Variants in BNC2 observed in about 807,000 individuals in gnomAD.
BNC2 encodes the protein zinc finger protein basonuclin-2.
A neutral mutation model predicts 76.3 loss-of-function variants in BNC2; 20 were observed. The observed-to-expected ratio is 0.26, with a 90% CI of 0.18 to 0.38. The LOEUF (loss-of-function observed/expected upper bound fraction) is 0.38. BNC2 is among the 10% of genes least tolerant of loss of function. BNC2 has a pLI of 1.00. For missense variants in BNC2, 1,382 were observed against 1,399.8 expected (o/e 0.99, Z 0.20); for synonymous variants, 582 against 514.8 (o/e 1.13, Z -1.77).
intron 1 of BNC2, among the ~76,000 whole-genome samples, chr9:16,818,883 A>T (rs564927113): frequency 1.6e-5 from 1 of 63,496 alleles, no homozygotes; most frequent in Non-Finnish European, 3.9e-5. Flanking sequence ...AGCGGTTAAG[A>T]AGTACTTTAG....
In BNC2 at chr9:16,410,269, G is replaced by A. The variant is rs1443301437; in HGVS notation, c.*8720C>T. Reference sequence around the variant, plus strand: ...GACTTCATGGAAGAAGCCAGGCAAGGTGTGAGGGGAGAGGGGAAATGGGCA... The same window carrying A: ...GACTTCATGGAAGAAGCCAGGCAAGATGTGAGGGGAGAGGGGAAATGGGCA... On this transcript the variant is annotated 3_prime_UTR_variant, in exon 7 of 7. Coordinates refer to ENST00000380672, the MANE Select transcript of BNC2 (RefSeq NM_017637.6). 3 of 152,420 alleles carry A rather than the reference G, an allele frequency of 2.0e-5. No homozygotes were observed. The highest frequency in any genetic ancestry group is 6.5e-5 in the Admixed American group (1 of 15,304). 9.4% of individuals were successfully genotyped at this position (152,420 alleles called of 1,614,324 possible).
At chr9:16,596,554 A>G (rs1820087711) in intron 3 of BNC2, among the ~76,000 whole-genome samples, 1 of 152,190 alleles carries the variant, frequency 6.6e-6, no homozygotes, top group African/African-American at 2.4e-5. Flanking sequence ...GGGACAGAAT[A>G]TGGATACTGG....
At chr9:16,665,482 GAAAGAAA>G (rs1348273812) in intron 3 of BNC2, among the ~76,000 whole-genome samples, 1 of 130,300 alleles carries the variant, frequency 7.7e-6, no homozygotes, top group Non-Finnish European at 1.6e-5. Context: ...AAGAAAGAAA[GAAAGAAA>G]GAGAGAGAGA....
At chr9:16,677,923 C>T (rs1294740178) in intron 3 of BNC2, among the ~76,000 whole-genome samples, 1 of 152,076 alleles carries the variant, frequency 6.6e-6, no homozygotes, top group Non-Finnish European at 1.5e-5. Flanking sequence ...TATAATTTTA[C>T]AAACTAAGTA....
intron 5 of BNC2, among the ~76,000 whole-genome samples, chr9:16,498,629 C>T (rs574656277): frequency 1.3e-5 from 2 of 150,516 alleles, no homozygotes; most frequent in African/African-American, 4.9e-5. Flanking sequence ...CTCATGTAAC[C>T]AAATACCACC....
chr9:16,694,908 G>A (rs1823291578), intron 3 of BNC2, among the ~76,000 whole-genome samples: 1 of 152,104 alleles, frequency 6.6e-6, no homozygotes, highest in African/African-American at 2.4e-5. Flanking sequence ...TCTCAACTGG[G>A]GTGAGAACTA....
intron 5 of BNC2, among the ~76,000 whole-genome samples, chr9:16,514,372 G>A (rs1320910968): frequency 1.3e-5 from 2 of 152,192 alleles, no homozygotes; most frequent in Non-Finnish European, 2.9e-5. Flanking sequence ...ATTCCACTGG[G>A]AGGACAACAA....
chr9:16,607,732 T>C (rs1461382697), intron 3 of BNC2, among the ~76,000 whole-genome samples: 1 of 152,188 alleles, frequency 6.6e-6, no homozygotes, highest in African/African-American at 2.4e-5. Context: ...TAAGGTGATG[T>C]TTTCCTACCC....
chr9:16,564,227 C>T (rs1477286281), intron 4 of BNC2, among the ~76,000 whole-genome samples: 1 of 152,122 alleles, frequency 6.6e-6, no homozygotes, highest in Non-Finnish European at 1.5e-5. Flanking sequence ...GTAAGATATT[C>T]GTAAGTAACT....
intron 4 of BNC2, among the ~76,000 whole-genome samples, chr9:16,579,470 A>G (rs1167047911): frequency 2.0e-5 from 3 of 151,968 alleles, no homozygotes; most frequent in Non-Finnish European, 4.4e-5. Flanking sequence ...TTTTGTAGAG[A>G]CAAGATTTTG....
At chr9:16,539,075 C>T (rs1230436025) in intron 5 of BNC2, among the ~76,000 whole-genome samples, 4 of 151,852 alleles carry the variant, frequency 2.6e-5, no homozygotes, top group Non-Finnish European at 4.4e-5. Context: ...TATAATATAC[C>T]ACTTCCACTA....
intron 3 of BNC2, among the ~76,000 whole-genome samples, chr9:16,614,851 G>A (rs552580787): frequency 1.3e-5 from 2 of 151,970 alleles, no homozygotes; most frequent in Admixed American, 6.6e-5. Context: ...AACTACTTGG[G>A]AAGTCGAGGT....
intron 3 of BNC2, among the ~76,000 whole-genome samples, chr9:16,587,667 C>T (rs1344968205): frequency 1.3e-5 from 2 of 152,142 alleles, no homozygotes; most frequent in African/African-American, 4.8e-5. Flanking sequence ...TCAGATTCTG[C>T]CTACTAGAGT....
chr9:16,568,324 G>T (rs966627363), intron 4 of BNC2, among the ~76,000 whole-genome samples: 10 of 152,228 alleles, frequency 6.6e-5, no homozygotes, highest in African/African-American at 2.4e-4. Context: ...TCTGGGGTCA[G>T]ATTTTAAAGT....
chr9:16,823,018 G>T (rs568433363), intron 1 of BNC2, among the ~76,000 whole-genome samples: 10 of 152,168 alleles, frequency 6.6e-5, no homozygotes, highest in Admixed American at 1.3e-4. Flanking sequence ...TCAATGTAAT[G>T]TCCTCCTCCA....
intron 1 of BNC2, among the ~76,000 whole-genome samples, chr9:16,807,759 A>C (rs774610367): frequency 2.0e-5 from 3 of 152,226 alleles, no homozygotes; most frequent in Non-Finnish European, 4.4e-5. Flanking sequence ...CTAAAATATA[A>C]AAAATTCCAG....
At chr9:16,841,483 T>C (rs1313632028) in intron 1 of BNC2, among the ~76,000 whole-genome samples, 2 of 152,178 alleles carry the variant, frequency 1.3e-5, no homozygotes, top group African/African-American at 2.4e-5. Flanking sequence ...AAAATGTAGA[T>C]ATCCTGGCTA....
At chr9:16,835,050 C>G (rs1586921635) in intron 1 of BNC2, among the ~76,000 whole-genome samples, 1 of 152,118 alleles carries the variant, frequency 6.6e-6, no homozygotes, top group South Asian at 2.1e-4. Context: ...TGGCTTCATT[C>G]CTCTAGTATC....
intron 4 of BNC2, among the ~76,000 whole-genome samples, chr9:16,568,055 A>C (rs373103989): frequency 1.3e-5 from 2 of 152,156 alleles, no homozygotes; most frequent in East Asian, 3.9e-4. Flanking sequence ...TTATTTTGGG[A>C]GAAAGCCAAG....
Sources: allele counts gnomAD v4.1 joint callset (sites outside exome capture counted in the v4.1 genomes callset), GRCh38; gene constraint gnomAD v4.1.1; transcripts MANE v1.5; gene names NCBI Gene and HGNC (gene_info 2026-07-23, HGNC 2026-07-21).